CHRNA4: variants seen among roughly 807,000 people sequenced by gnomAD.
CHRNA4 encodes the protein cholinergic receptor nicotinic alpha 4 subunit.
In CHRNA4, 28 loss-of-function variants were observed where a neutral mutation model predicts 48.9. That is an observed-to-expected ratio of 0.57 (90% CI 0.42 to 0.79). CHRNA4 has a LOEUF of 0.79. Among genes scored for constraint, CHRNA4 ranks in the 30% least tolerant of loss-of-function variants. The pLI, the probability that CHRNA4 is intolerant of heterozygous loss-of-function variation, is 0.00. For synonymous variants in CHRNA4, 425 were observed against 402.3 expected (o/e 1.06, Z -0.68); for missense variants, 859 against 898.4 (o/e 0.96, Z 0.56).
chr20:63,349,527 C>T, intron 5 of CHRNA4, 126 bp downstream of exon 5: 2 of 1,244,310 alleles, frequency 1.6e-6, no homozygotes, highest in Non-Finnish European at 2.3e-6. Context: ...GGGGCCACGC[C>T]CTGCACCCCA....
chr20:63,355,345 C>T (rs2068700652), intron 4 of CHRNA4: 1 of 413,672 alleles, frequency 2.4e-6, no homozygotes. Context: ...CAGACTTCAT[C>T]TTGGCCTCCT....
chr20:63,350,955 A>T lies in CHRNA4; in HGVS notation c.456T>A (p.Thr152=). Residue 152 remains threonine (T), a synonymous_variant, in exon 5 of 6, where the codon ACT becomes ACA. Coordinates refer to ENST00000370263, the MANE Select transcript of CHRNA4 (RefSeq NM_000744.7). The part of the protein sequence containing the change: ...HLFHDGRVQW[T]PPAIYKSSCS... Reference sequence around the variant, plus strand: ...AGGAGCTCTTGTAAATGGCCGGGGGAGTCCACTGCACCCGCCCGTCATGGA... The same window carrying T: ...AGGAGCTCTTGTAAATGGCCGGGGGTGTCCACTGCACCCGCCCGTCATGGA... The T allele has an allele frequency of 6.2e-7, 1 of 1,613,706 alleles. No individual in the cohort carries two copies. Among genetic ancestry groups the T allele is most frequent in the East Asian group, 2.2e-5 (1 of 44,872 alleles).
chr20:63,355,263 C>A, intron 4 of CHRNA4: 2 of 348,940 alleles, frequency 5.7e-6, no homozygotes, highest in South Asian at 4.4e-5. Context: ...CCTCCGGAGG[C>A]CACCATCTGC....
At chr20:63,357,663 AC>A (rs947412963) in intron 2 of CHRNA4, among the ~76,000 whole-genome samples, 3 of 55,778 alleles carry the variant, frequency 5.4e-5, no homozygotes, top group Non-Finnish European at 2.0e-4. Flanking sequence ...CCCTGGTGGG[AC>A]GGGCAGAGTG....
rs201654194 is a variant in CHRNA4, at chr20:63,350,531, C to T, written c.880G>A (p.Glu294Lys). The T allele has an allele frequency of 3.7e-5, 60 of 1,613,722 alleles. No individual in the cohort carries two copies. Among genetic ancestry groups the T allele is most frequent in the Non-Finnish European group, 4.9e-5 (58 of 1,179,994 alleles). The change falls in exon 5 of 6, where the codon GAG becomes AAG. Residue 294 changes from glutamate (E) to lysine (K), a missense_variant. Coordinates refer to ENST00000370263, the MANE Select transcript of CHRNA4 (RefSeq NM_000744.7). ...ACCAGTGAGGTGGACGGGATGATCT[C>T]GGTGATGAGCAGCAGGAAGACGGTG... ...SLTVFLLLIT[E>K]IIPSTSLVIP...
chr20:63,353,359 C>T (rs1053360589), intron 4 of CHRNA4, among the ~76,000 whole-genome samples: 19 of 151,782 alleles, frequency 1.3e-4, no homozygotes, highest in Non-Finnish European at 2.7e-4. Flanking sequence ...AAACTGGGGT[C>T]ACCCCACTAC....
Position 63,359,639 on chromosome 20 carries a change from G to A in CHRNA4, c.137C>T (p.Ser46Phe). Residue 46 changes from serine (S) to phenylalanine (F), a missense_variant, in exon 2 of 6, where the codon TCC (serine) becomes TTC (phenylalanine). Ser to Phe is a radical substitution (Grantham distance 155). Coordinates refer to ENST00000370263, the MANE Select transcript of CHRNA4 (RefSeq NM_000744.7). ...AEERLLKKLF[S>F]GYNKWSRPVA... is the part of the protein sequence containing the mutation. ...GGGTCGGGACCACTTGTTGTAACCG[G>A]AGAAGAGTTTCTTCAGGAGCCGCTC... 1 of 1,612,612 alleles carries A rather than the reference G, an allele frequency of 6.2e-7. No homozygotes were observed.
chr20:63,352,077 C>G (rs1249392862), intron 4 of CHRNA4, among the ~76,000 whole-genome samples: 1 of 152,196 alleles, frequency 6.6e-6, no homozygotes, highest in East Asian at 1.9e-4. Flanking sequence ...TGGGGCACGA[C>G]GCGTCGGGGG....
rs200810080 is a variant in CHRNA4, at chr20:63,349,714, C to T, written c.1697G>A (p.Arg566Gln). 1.1e-5 allele frequency: 18 copies of T among 1,612,742 alleles called. No homozygotes were observed. The highest frequency in any genetic ancestry group is 5.3e-5 in the African/African-American group (4 of 74,930). The change falls in exon 5 of 6, where the codon CGG becomes CAG. Residue 566 changes from arginine to glutamine, a missense_variant. Arg to Gln is a conservative substitution (Grantham distance 43). This residue lies in a region of CHRNA4 where 478 missense variants were observed against 455.4 expected (regional missense o/e 1.05). Coordinates refer to ENST00000370263, the MANE Select transcript of CHRNA4 (RefSeq NM_000744.7). ...PHLPLSPALT[R>Q]AVEGVQYIAD... ...AATGTACTGGACGCCCTCCACCGCC[C>T]GGGTCAGGGCCGGCGACAGGGGCAG... is the stretch of plus-strand genomic sequence containing the variant.
chr20:63,353,987 G>GGGGCTGTGGTCCTGGC (rs2068672264), intron 4 of CHRNA4, among the ~76,000 whole-genome samples: 1 of 69,546 alleles, frequency 1.4e-5, no homozygotes, highest in Non-Finnish European at 2.9e-5. Flanking sequence ...GTGGTCCTGG[G>GGGGCTGTGGTCCTGGC]GGGCTGTGGT....
intron 4 of CHRNA4, 58 bp from the exon 5 acceptor site, chr20:63,351,085 C>T: frequency 1.9e-6 from 3 of 1,562,540 alleles, no homozygotes; most frequent in Non-Finnish European, 2.6e-6. Context: ...ACGTCCACAC[C>T]CACGCCCACT....
rs112192714 is a variant in CHRNA4, at chr20:63,351,089, G to T, written c.384-62C>A. On this transcript the variant is annotated intron_variant, in intron 4 of 5. Transcript: ENST00000370263. ...CATCCATGCCCACGTCCACACCCAC[G>T]CCCACTGCCACACCCATGCCCACGT... is the stretch of plus-strand genomic sequence containing the variant. 9 of 1,541,200 alleles carry T rather than the reference G, an allele frequency of 5.8e-6. No individual in the cohort carries two copies. The African/African-American group carries it at 1.1e-4, about 19-fold the overall frequency.
chr20:63,350,166 C>A lies in CHRNA4; in HGVS notation c.1245G>T (p.Pro415=). Reference sequence around the variant, plus strand: ...ACTTGCAGGAAGGCCCAGGCTCAGCCGGCACATCCAGGGGGACACAGAAGG... The same window carrying A: ...ACTTGCAGGAAGGCCCAGGCTCAGCAGGCACATCCAGGGGGACACAGAAGG... ...SPSFCVPLDV[P]AEPGPSCKSP... Residue 415 remains proline, a synonymous_variant, in exon 5 of 6, where the codon CCG becomes CCT. Transcript: ENST00000370263. 1.3e-6 allele frequency: 2 copies of A among 1,584,862 alleles called. No homozygotes were observed. Among genetic ancestry groups the A allele is most frequent in the Non-Finnish European group, 1.7e-6 (2 of 1,163,422 alleles).
chr20:63,350,693 G>A lies in CHRNA4; in HGVS notation c.718C>T (p.Arg240Trp), dbSNP rs757030850. The change falls in exon 5 of 6, where the codon CGG (arginine) becomes TGG (tryptophan). Residue 240 changes from arginine (R) to tryptophan (W), a missense_variant. Transcript: ENST00000370263. Reference sequence around the variant, plus strand: ...ATGGTGTAGAAGAGCGGCAGCCGCCGGATGACGAAGGCATAGGTGATGTCC... The same window carrying A: ...ATGGTGTAGAAGAGCGGCAGCCGCCAGATGACGAAGGCATAGGTGATGTCC... ...YPDITYAFVI[R>W]RLPLFYTINL... 1.8e-5 allele frequency: 29 copies of A among 1,613,794 alleles called. No homozygotes were observed. Among genetic ancestry groups the A allele is most frequent in the South Asian group, 2.2e-5 (2 of 91,072 alleles).
In CHRNA4 at chr20:63,344,569, A is replaced by G; in HGVS notation, c.*2169T>C. 2.2e-6 allele frequency: 1 copy of G among 453,020 alleles called. No individual in the cohort carries two copies. Among genetic ancestry groups the G allele is most frequent in the Non-Finnish European group, 4.4e-6 (1 of 226,558 alleles). The allele number at this position is 453,020 out of a possible 1,614,324, so 28.1% of individuals were successfully genotyped here. On this transcript the variant is annotated 3_prime_UTR_variant, in exon 6 of 6. Coordinates refer to ENST00000370263, the MANE Select transcript of CHRNA4 (RefSeq NM_000744.7). This position sits in a 1 kb window ranked among gnomAD's most constrained non-coding sequence, Gnocchi z 4.5. ...CCCGGCAGGAGGGTCCCCCGGCAGG[A>G]GCGTCCCAGCCACTCCGCAGTCACT... is the stretch of plus-strand genomic sequence containing the variant.
chr20:63,343,951 G>A lies in CHRNA4; in HGVS notation c.*2787C>T, dbSNP rs771069856. Reference sequence around the variant, plus strand: ...AGGAGGAGCAGTCCTGGGTCTGAAAGATGTTAAAACATTAACAGATGCAGA... The same window carrying A: ...AGGAGGAGCAGTCCTGGGTCTGAAAAATGTTAAAACATTAACAGATGCAGA... On this transcript the variant is annotated 3_prime_UTR_variant, in exon 6 of 6. Transcript: ENST00000370263. 5 of 454,046 alleles carry A rather than the reference G, an allele frequency of 1.1e-5. No individual in the cohort carries two copies. Among genetic ancestry groups the A allele is most frequent in the African/African-American group, 6.0e-5 (3 of 50,016 alleles). The allele number at this position is 454,046 out of a possible 1,614,324, so 28.1% of individuals were successfully genotyped here. A position where few individuals can be genotyped will look rare whatever the true frequency, so the allele number is the denominator to read the frequency against.
At chr20:63,355,573 T>A in intron 4 of CHRNA4, 3 of 1,298,058 alleles carry the variant, frequency 2.3e-6, no homozygotes, top group Non-Finnish European at 3.0e-6. Context: ...AAAGCACTCC[T>A]GCCCAAAAGG....
intron 1 of CHRNA4, 80 bp downstream of exon 1, chr20:63,361,010 C>T: frequency 5.1e-6 from 6 of 1,175,202 alleles, no homozygotes; most frequent in South Asian, 2.2e-5. Context: ...CAGTCAGGAG[C>T]CTGCCTCCCT....
chr20:63,355,996 G>A lies in CHRNA4; in HGVS notation c.362C>T (p.Pro121Leu), dbSNP rs377114983. Residue 121 changes from proline (P) to leucine (L), a missense_variant, in exon 4 of 6, where the codon CCG (proline) becomes CTG (leucine). Physicochemically the swap from Pro to Leu is moderately conservative, Grantham distance 98. Around this residue, in one of 3 missense-constraint regions of CHRNA4, gnomAD observed 342 missense variants for 365.3 expected, o/e 0.94. Transcript: ENST00000370263. Reference sequence around the variant, plus strand: ...TCACTTGTTGTAGAGGACGATGTCCGGCCGCCAGATGAGCTCGGAGGGGAT... The same window carrying A: ...TCACTTGTTGTAGAGGACGATGTCCAGCCGCCAGATGAGCTCGGAGGGGAT... Reference protein sequence around the residue: ...IRIPSELIWRPDIVLYNNADG... With the variant: ...IRIPSELIWRLDIVLYNNADG... 8 of 1,611,800 alleles carry A rather than the reference G, an allele frequency of 5.0e-6. No homozygotes were observed. The highest frequency in any genetic ancestry group is 4.0e-5 in the African/African-American group (3 of 74,572).
Sources: allele counts gnomAD v4.1 joint callset (sites outside exome capture counted in the v4.1 genomes callset), GRCh38; gene constraint gnomAD v4.1.1; regional missense constraint gnomAD v4.1.1; non-coding constraint Gnocchi (gnomAD v3.1); transcripts MANE v1.5; gene names NCBI Gene and HGNC (gene_info 2026-07-23, HGNC 2026-07-21).